The following ABLIM2 variants were observed in gnomAD, a reference collection of about 807,000 sequenced individuals.
ABLIM2 encodes the protein actin-binding LIM protein 2.
In ABLIM2, 53 loss-of-function variants were observed where a neutral mutation model predicts 97.7. The ratio of observed to expected loss-of-function variants is 0.54; its 90% CI spans 0.44 to 0.68. The LOEUF is 0.68. Among genes scored for constraint, ABLIM2 ranks in the 30% least tolerant of loss-of-function variants. ABLIM2 has a pLI of 0.00. For missense variants in ABLIM2, 835 were observed against 867.2 expected (o/e 0.96, Z 0.47); for synonymous variants, 361 against 345.8 (o/e 1.04, Z -0.49).
Position 8,032,922 on chromosome 4 carries a change from G to C in ABLIM2, c.1048-3146C>G, listed in dbSNP as rs1268328644. Among the ~76,000 whole-genome samples the C allele has an allele frequency of 2.0e-5, 3 of 152,152 alleles. No homozygotes were observed. The highest frequency in any genetic ancestry group is 7.2e-5 in the African/African-American group (3 of 41,418). On this transcript the variant is annotated intron_variant, in intron 10 of 20. Coordinates refer to ENST00000447017, the MANE Select transcript of ABLIM2 (RefSeq NM_001130083.2). The surrounding 1 kb of genome is among the most constrained non-coding windows in gnomAD (Gnocchi z 4.3). ...CCGGGGAAACTGATTTCGTGCCAAT[G>C]AGCCCAGAGCTTGTCTCTACCTGGC...
At chr4:8,027,607 G>A (rs964950948) in intron 12 of ABLIM2, among the ~76,000 whole-genome samples, 152 bp downstream of exon 12, 4 of 152,116 alleles carry the variant, frequency 2.6e-5, no homozygotes, top group South Asian at 2.1e-4. Flanking sequence ...ATGGACACAC[G>A]GAGCCAGACA....
At chr4:8,053,582 T>G (rs1180082226) in intron 8 of ABLIM2, among the ~76,000 whole-genome samples, 1 of 152,178 alleles carries the variant, frequency 6.6e-6, no homozygotes, top group Non-Finnish European at 1.5e-5. Context: ...TCACAGCCAT[T>G]GGAGTTCACC....
intron 16 of ABLIM2, chr4:8,007,686 T>A: frequency 9.7e-7 from 1 of 1,031,436 alleles, no homozygotes; most frequent in Non-Finnish European, 1.2e-6. Flanking sequence ...TCTGCACTCA[T>A]CAGCCGGACC....
chr4:8,060,366 G>T (rs1802192474), intron 7 of ABLIM2, among the ~76,000 whole-genome samples: 2 of 152,200 alleles, frequency 1.3e-5, no homozygotes, highest in Admixed American at 6.5e-5. Flanking sequence ...ATTTTTAATG[G>T]TGAGGGGGCC....
chr4:8,071,968 C>T lies in ABLIM2; in HGVS notation c.675+5660G>A, dbSNP rs1010218493. The T allele has an allele frequency of 4.1e-5, 40 of 985,420 alleles. No individual in the cohort carries two copies. The highest frequency in any genetic ancestry group is 2.5e-4 in the Admixed American group (4 of 16,274). The allele number at this position is 985,420 out of a possible 1,614,324, so 61.0% of individuals were successfully genotyped here. On this transcript the variant is annotated intron_variant, in intron 6 of 20. Coordinates refer to ENST00000447017, the MANE Select transcript of ABLIM2 (RefSeq NM_001130083.2). The surrounding 1 kb of genome is among the most constrained non-coding windows in gnomAD (Gnocchi z 6.2). ...CGAGCATCAGGCAGTGCCACCGCGG[C>T]GGCGGCAGCTCCCCTTCTGCGGAGC...
chr4:8,152,830 T>G (rs950239443), intron 1 of ABLIM2, among the ~76,000 whole-genome samples: 2 of 152,048 alleles, frequency 1.3e-5, no homozygotes, highest in Non-Finnish European at 2.9e-5. Flanking sequence ...AGACCCTCAA[T>G]CCCTACCAAG....
At position 8,007,975 on chromosome 4, in the gene ABLIM2, G is replaced by C; in HGVS notation, c.1618+84C>G. ...TTTTAACAGGCAAGGCTTAGATGTAGGGGGATAGCTCTGAGTTCTGGGGCC... is the reference window on the plus strand; with the variant it reads ...TTTTAACAGGCAAGGCTTAGATGTACGGGGATAGCTCTGAGTTCTGGGGCC... On this transcript the variant is annotated intron_variant, in intron 16 of 20. Transcript: ENST00000447017. 1.9e-6 allele frequency: 3 copies of C among 1,570,528 alleles called. No individual in the cohort carries two copies. In the South Asian group the frequency reaches 3.6e-5, roughly 19 times the overall value.
intron 20 of ABLIM2, among the ~76,000 whole-genome samples, chr4:7,978,142 C>T (rs1735023017): frequency 6.6e-6 from 1 of 152,182 alleles, no homozygotes; most frequent in African/African-American, 2.4e-5. Flanking sequence ...CACCAGGGGT[C>T]CCTTTCTCTC....
At chr4:8,146,273 C>A (rs1438208810) in intron 1 of ABLIM2, among the ~76,000 whole-genome samples, 1 of 152,186 alleles carries the variant, frequency 6.6e-6, no homozygotes, top group Non-Finnish European at 1.5e-5. Context: ...TCAATAACAA[C>A]ACGAAGATAT....
chr4:8,035,102 T>C (rs562966690), intron 10 of ABLIM2, among the ~76,000 whole-genome samples: 10 of 150,494 alleles, frequency 6.6e-5, no homozygotes, highest in Non-Finnish European at 1.0e-4. Flanking sequence ...TGCAGATGGG[T>C]GGTTGGTAGG....
rs1824336052 is a variant in ABLIM2 at position 8,087,323 on chromosome 4, C to T, written c.454+846G>A. On this transcript the variant is annotated intron_variant, in intron 4 of 20. Transcript: ENST00000447017. The surrounding 1 kb of genome is among the most constrained non-coding windows in gnomAD (Gnocchi z 4.6). ...AGCTGGGAAAGGCCACCTGGCTGCC[C>T]ACTCCTTGCTGATACTTGGCCCCAC... Among the ~76,000 whole-genome samples the T allele has an allele frequency of 6.6e-6, 1 of 152,210 alleles. No homozygotes were observed. The highest frequency in any genetic ancestry group is 2.1e-4 in the South Asian group (1 of 4,828).
chr4:8,025,128 A>G (rs1294386708), intron 12 of ABLIM2, among the ~76,000 whole-genome samples: 1 of 152,126 alleles, frequency 6.6e-6, no homozygotes, highest in Admixed American at 6.5e-5. Context: ...TGGTTTCACC[A>G]TGTTGGCCAG....
intron 9 of ABLIM2, among the ~76,000 whole-genome samples, chr4:8,038,590 T>C (rs1372023485): frequency 6.6e-6 from 1 of 152,172 alleles, no homozygotes; most frequent in East Asian, 1.9e-4. Flanking sequence ...GCCCACCTCC[T>C]CCACGAAGTC....
intron 1 of ABLIM2, among the ~76,000 whole-genome samples, chr4:8,114,663 G>A (rs1298097147): frequency 6.6e-6 from 1 of 152,188 alleles, no homozygotes; most frequent in Non-Finnish European, 1.5e-5. Context: ...GGCCATCACT[G>A]CCTGGGCTTG....
At chr4:8,114,730 C>T (rs985735617) in intron 1 of ABLIM2, among the ~76,000 whole-genome samples, 1 of 152,190 alleles carries the variant, frequency 6.6e-6, no homozygotes, top group African/African-American at 2.4e-5. Flanking sequence ...CCCCATTAAG[C>T]AAAGATGCAC....
At chr4:8,062,911 AG>A (rs1244726775) in intron 6 of ABLIM2, among the ~76,000 whole-genome samples, 1 of 152,308 alleles carries the variant, frequency 6.6e-6, no homozygotes, top group East Asian at 1.9e-4. Context: ...GCTTAAATCC[AG>A]GTGCCCCCAC....
chr4:8,006,380 T>TG (rs1034983530), intron 16 of ABLIM2, among the ~76,000 whole-genome samples: 1 of 152,066 alleles, frequency 6.6e-6, no homozygotes, highest in Non-Finnish European at 1.5e-5. Flanking sequence ...GGTCATCAAG[T>TG]GGGGGAGGTC....
rs1355170525 is a variant in ABLIM2 at position 7,992,602 on chromosome 4, C to T, written c.1680+264G>A. ...ATCACTCTGGGTGGCCCTTGTCTCCCCTGCTCCCACACACTGAGCTCTCCC... is the reference window on the plus strand; with the variant it reads ...ATCACTCTGGGTGGCCCTTGTCTCCTCTGCTCCCACACACTGAGCTCTCCC... On this transcript the variant is annotated intron_variant, in intron 17 of 20. Coordinates refer to ENST00000447017, the MANE Select transcript of ABLIM2 (RefSeq NM_001130083.2). The surrounding 1 kb of genome is among the most constrained non-coding windows in gnomAD (Gnocchi z 5.7). 6.6e-6 allele frequency among the ~76,000 whole-genome samples: 1 copy of T among 152,102 alleles called. No homozygotes were observed. The highest frequency in any genetic ancestry group is 2.4e-5 in the African/African-American group (1 of 41,406).
chr4:8,154,926 A>G (rs1714791308), intron 1 of ABLIM2, among the ~76,000 whole-genome samples: 2 of 152,266 alleles, frequency 1.3e-5, no homozygotes, highest in African/African-American at 2.4e-5. Flanking sequence ...GACGTCTCAC[A>G]TGGCAGCAGG....
Sources: gnomAD v4.1 joint callset for allele counts (sites outside exome capture counted in the v4.1 genomes callset) on GRCh38, gnomAD v4.1.1 for gene constraint, Gnocchi (gnomAD v3.1) non-coding constraint, MANE v1.5 for transcripts, NCBI Gene and HGNC (gene_info 2026-07-23, HGNC 2026-07-21) for gene names.